Variants in UBE2R2 observed in about 807,000 individuals in gnomAD.
The protein encoded by UBE2R2 is ubiquitin conjugating enzyme E2 R2.
A neutral mutation model predicts 27.8 loss-of-function variants in UBE2R2; 1 was observed. The observed-to-expected ratio is 0.04, with a 90% confidence interval of 0.01 to 0.17. The LOEUF (loss-of-function observed/expected upper bound fraction) is 0.17. UBE2R2 is among the 10% of genes least tolerant of loss of function. The pLI, the probability that UBE2R2 is intolerant of heterozygous loss-of-function variation, is 1.00. For missense variants in UBE2R2, 100 were observed against 291.0 expected, an observed-to-expected ratio of 0.34 and a Z score of 4.78; for synonymous variants, 106 against 113.3, an observed-to-expected ratio of 0.94 and a Z score of 0.41.
intron 1 of UBE2R2, among the ~76,000 whole-genome samples, chr9:33,838,109 T>C (rs1032337173): frequency 6.6e-6 from 1 of 152,032 alleles, no homozygotes; most frequent in African/African-American, 2.4e-5. Context: ...TAAAATGATA[T>C]AGTATTTACA....
intron 1 of UBE2R2, among the ~76,000 whole-genome samples, chr9:33,855,164 T>C (rs1273797764): frequency 6.6e-6 from 1 of 152,228 alleles, no homozygotes; most frequent in Non-Finnish European, 1.5e-5. Context: ...TGTTTTATTA[T>C]TCCTTTTAGC....
chr9:33,906,179 A>G (rs1006424661), intron 3 of UBE2R2, among the ~76,000 whole-genome samples: 1 of 151,878 alleles, frequency 6.6e-6, no homozygotes, highest in African/African-American at 2.4e-5. Context: ...CTGGAGTGCA[A>G]TGGTGCGATC....
intron 2 of UBE2R2, among the ~76,000 whole-genome samples, chr9:33,893,087 A>G (rs1219593590): frequency 1.3e-5 from 2 of 152,184 alleles, no homozygotes; most frequent in African/African-American, 2.4e-5. Context: ...TCATAAATAA[A>G]TAAGTAAATA....
chr9:33,901,362 C>T (rs1042050176), intron 3 of UBE2R2, among the ~76,000 whole-genome samples: 1 of 152,148 alleles, frequency 6.6e-6, no homozygotes, highest in Admixed American at 6.6e-5. Context: ...CCTTTCATCA[C>T]CTGCCTGAAA....
At chr9:33,916,494 C>G (rs1019492422) in intron 4 of UBE2R2, among the ~76,000 whole-genome samples, 3 of 152,134 alleles carry the variant, frequency 2.0e-5, no homozygotes, top group African/African-American at 7.2e-5. Context: ...TAGCCAATCC[C>G]CTAAGCACCC....
rs199676456 is a variant in UBE2R2, at chr9:33,919,733, T to TTCC, written c.*2496_*2497insTCC. On this transcript the variant is annotated 3_prime_UTR_variant, in exon 5 of 5. Transcript: ENST00000263228. ...AAATACTTGAGTTTGTAATTTTTTT[T>TTCC]CCCCCTTCTGGGAGTGGAGGTCTCA... 3.3e-5 allele frequency: 5 copies of TTCC among 152,012 alleles called. No individual in the cohort carries two copies. Among genetic ancestry groups the TTCC allele is most frequent in the African/African-American group, 9.7e-5 (4 of 41,428 alleles). 9.4% of individuals were successfully genotyped at this position (152,012 alleles called of 1,614,324 possible).
In UBE2R2 at chr9:33,917,512, C is replaced by T. The variant is rs1822678094; in HGVS notation, c.*275C>T. ...TTTTTTTAAAAAATATGAACCCAAACTCCCGCCTCACTTCGTCTCTACAGA... is the reference window on the plus strand; with the variant it reads ...TTTTTTTAAAAAATATGAACCCAAATTCCCGCCTCACTTCGTCTCTACAGA... On this transcript the variant is annotated 3_prime_UTR_variant, in exon 5 of 5. Coordinates refer to ENST00000263228, the MANE Select transcript of UBE2R2 (RefSeq NM_017811.4). 2 of 553,232 alleles carry T rather than the reference C, an allele frequency of 3.6e-6. No homozygotes were observed. The highest frequency in any genetic ancestry group is 3.8e-5 in the African/African-American group (2 of 52,884). 34.3% of individuals were successfully genotyped at this position (553,232 alleles called of 1,614,324 possible).
chr9:33,832,340 A>G (rs1820510616), intron 1 of UBE2R2, among the ~76,000 whole-genome samples: 2 of 146,516 alleles, frequency 1.4e-5, no homozygotes, highest in South Asian at 4.3e-4. Flanking sequence ...GAAATTATTT[A>G]ATACCCTTTG....
intron 1 of UBE2R2, among the ~76,000 whole-genome samples, chr9:33,848,240 T>C (rs1205170056): frequency 6.6e-6 from 1 of 152,220 alleles, no homozygotes; most frequent in African/African-American, 2.4e-5. Context: ...TCTTTTAATA[T>C]ACTAATCATA....
chr9:33,861,069 C>T (rs1204075807), intron 1 of UBE2R2, among the ~76,000 whole-genome samples: 2 of 151,626 alleles, frequency 1.3e-5, no homozygotes, highest in African/African-American at 2.4e-5. Context: ...CGCCATTCTC[C>T]TGCCTCAGCC....
intron 1 of UBE2R2, among the ~76,000 whole-genome samples, chr9:33,874,614 T>C (rs1238712823): frequency 6.6e-6 from 1 of 152,142 alleles, no homozygotes; most frequent in Non-Finnish European, 1.5e-5. Context: ...TCCTCCATTT[T>C]ATTTTGTAAT....
intron 1 of UBE2R2, among the ~76,000 whole-genome samples, chr9:33,859,691 A>G (rs537456249): frequency 6.6e-6 from 1 of 152,014 alleles, no homozygotes; most frequent in Non-Finnish European, 1.5e-5. Context: ...GGATTCAAGA[A>G]AATATGATTT....
chr9:33,856,428 A>G (rs1353750646), intron 1 of UBE2R2, among the ~76,000 whole-genome samples: 1 of 152,052 alleles, frequency 6.6e-6, no homozygotes, highest in Non-Finnish European at 1.5e-5. Flanking sequence ...ATTACTTACC[A>G]CTAGATTTCT....
intron 2 of UBE2R2, among the ~76,000 whole-genome samples, chr9:33,896,354 C>T (rs1231795739): frequency 6.6e-6 from 1 of 152,066 alleles, no homozygotes; most frequent in African/African-American, 2.4e-5. Context: ...GTGGTGAAAG[C>T]AGGCATCCTT....
At chr9:33,895,778 T>TA (rs1265667218) in intron 2 of UBE2R2, among the ~76,000 whole-genome samples, 1 of 142,748 alleles carries the variant, frequency 7.0e-6, no homozygotes, top group Non-Finnish European at 1.5e-5. Flanking sequence ...CTTTTTTTTT[T>TA]TTTTTTTTTT....
At position 33,917,315 on chromosome 9, in the gene UBE2R2, C is replaced by T. The variant is rs959035413; in HGVS notation, c.*78C>T. 1 of 1,577,974 alleles carries T rather than the reference C, an allele frequency of 6.3e-7. No homozygotes were observed. Among genetic ancestry groups the T allele is most frequent in the Non-Finnish European group, 8.6e-7 (1 of 1,165,994 alleles). On this transcript the variant is annotated 3_prime_UTR_variant, in exon 5 of 5. Coordinates refer to ENST00000263228, the MANE Select transcript of UBE2R2 (RefSeq NM_017811.4). The stretch of plus-strand genomic sequence containing the variant: ...GGAGCAAGTGGGGACCTGGCCATGG[C>T]CCCTCAGCAAAAACCTATTCACAGC...
At chr9:33,905,000 TG>T (rs1822321559) in intron 3 of UBE2R2, among the ~76,000 whole-genome samples, 1 of 151,998 alleles carries the variant, frequency 6.6e-6, no homozygotes, top group Non-Finnish European at 1.5e-5. Context: ...GTGGGAGCTT[TG>T]GGGATAGGGT....
At chr9:33,868,222 G>A (rs1248120589) in intron 1 of UBE2R2, among the ~76,000 whole-genome samples, 6 of 152,172 alleles carry the variant, frequency 3.9e-5, no homozygotes, top group South Asian at 2.1e-4. Flanking sequence ...ACACTCAGCC[G>A]CTTGTGTTGC....
intron 3 of UBE2R2, among the ~76,000 whole-genome samples, chr9:33,902,374 T>C (rs1822262849): frequency 6.6e-6 from 1 of 152,168 alleles, no homozygotes; most frequent in African/African-American, 2.4e-5. Context: ...TATACAAGAA[T>C]AATACCTACC....
Sources: gnomAD v4.1 joint callset for allele counts (sites outside exome capture counted in the v4.1 genomes callset) on GRCh38, gnomAD v4.1.1 for gene constraint, MANE v1.5 for transcripts, NCBI Gene and HGNC (gene_info 2026-07-23, HGNC 2026-07-21) for gene names.